The following BCR variants were observed in gnomAD, a reference collection of about 807,000 sequenced individuals.
The protein encoded by BCR is BCR activator of RhoGEF and GTPase, also known as breakpoint cluster region protein.
BCR carries 58 observed loss-of-function variants against 138.6 expected under a neutral mutation model. That is an observed-to-expected ratio of 0.42 (90% CI 0.34 to 0.52). The LOEUF (loss-of-function observed/expected upper bound fraction) is 0.52. Among genes scored for constraint, BCR ranks in the 20% least tolerant of loss-of-function variants. BCR has a pLI of 0.06. For missense variants in BCR, 1,599 were observed against 1,727.2 expected (o/e 0.93, Z 1.32); for synonymous variants, 786 against 730.1 (o/e 1.08, Z -1.23).
chr22:23,265,010 G>A (rs147332844), intron 4 of BCR: 119 of 152,272 alleles, frequency 7.8e-4, no homozygotes, highest in African/African-American at 2.7e-3. Flanking sequence ...AAAAAACCTA[G>A]TGGACGTGAC....
chr22:23,278,002 A>G (rs1006460688), intron 8 of BCR, among the ~76,000 whole-genome samples: 1 of 152,206 alleles, frequency 6.6e-6, no homozygotes, highest in Non-Finnish European at 1.5e-5. Flanking sequence ...AGGATCCCGC[A>G]GGCACAGTTT....
At position 23,280,924 on chromosome 22, in the gene BCR, C is replaced by CA. The variant is rs2146296516; in HGVS notation, c.2116-3052dup. On this transcript the variant is annotated intron_variant, in intron 8 of 22. Transcript: ENST00000305877. ...ACGGGGTTACTTGCACCAGGACACA[C>CA]ACAGGCCTGACACGCACAGGACATG... 2.0e-5 allele frequency among the ~76,000 whole-genome samples: 3 copies of CA among 152,348 alleles called. 1 individual carries two copies. In the South Asian group the frequency reaches 6.2e-4, roughly 32 times the overall value.
At position 23,312,965 on chromosome 22, in the gene BCR, A is replaced by C. The variant is rs765918824; in HGVS notation, c.3401A>C (p.Glu1134Ala). 1.5e-5 allele frequency: 24 copies of C among 1,592,082 alleles called. No individual in the cohort carries two copies. The highest frequency in any genetic ancestry group is 2.0e-5 in the Non-Finnish European group (24 of 1,175,460). Residue 1134 changes from glutamate to alanine, a missense_variant, in exon 20 of 23, where the codon GAG becomes GCG. By Grantham distance (107) the Glu-to-Ala change is moderately radical (BLOSUM62 -1). Around this residue, in one of 4 missense-constraint regions of BCR, gnomAD observed 177 missense variants for 226.4 expected, o/e 0.78. Transcript: ENST00000305877. Reference sequence around the variant, plus strand: ...GGCACGCTGAAGCTGTACTTCCGTGAGCTGCCCGAGCCCCTCTTCACTGAC... The same window carrying C: ...GGCACGCTGAAGCTGTACTTCCGTGCGCTGCCCGAGCCCCTCTTCACTGAC... ...IAGTLKLYFR[E>A]LPEPLFTDEF...
At chr22:23,263,538 G>GC in intron 4 of BCR, 1 of 1,576,094 alleles carries the variant, frequency 6.3e-7, no homozygotes, top group Admixed American at 1.7e-5. Flanking sequence ...TTTCATCCTG[G>GC]CCTACCAGTT....
rs770716239 is a variant in BCR, at chr22:23,181,169, A to C, written c.209A>C (p.Tyr70Ser). The C allele has an allele frequency of 2.1e-6, 3 of 1,409,820 alleles. No homozygotes were observed. The highest frequency in any genetic ancestry group is 3.0e-5 in the East Asian group (1 of 33,540). 87.3% of individuals were successfully genotyped at this position (1,409,820 alleles called of 1,614,324 possible). Residue 70 changes from tyrosine to serine, a missense_variant, in exon 1 of 23, where the codon TAT becomes TCT. This residue lies in a region of BCR where 806 missense variants were observed against 635.0 expected (regional missense o/e 1.27). Coordinates refer to ENST00000305877, the MANE Select transcript of BCR (RefSeq NM_004327.4). Reference protein sequence around the residue: ...QTLLAKEKKSYDRQRWGFRRA... With the variant: ...QTLLAKEKKSSDRQRWGFRRA... ...TTGCTGGCCAAGGAAAAGAAGAGCT[A>C]TGACCGGCAGCGATGGGGCTTCCGG... is the stretch of plus-strand genomic sequence containing the variant.
chr22:23,189,629 T>C (rs577210101), intron 1 of BCR, among the ~76,000 whole-genome samples: 1 of 152,292 alleles, frequency 6.6e-6, no homozygotes, highest in South Asian at 2.1e-4. Flanking sequence ...GCCACCCAAG[T>C]AGCTGGGATT....
At chr22:23,233,324 G>A (rs947275143) in intron 1 of BCR, among the ~76,000 whole-genome samples, 8 of 152,206 alleles carry the variant, frequency 5.3e-5, no homozygotes, top group Admixed American at 2.6e-4. Flanking sequence ...AGCAGCCTGC[G>A]TTGCTTCTCT....
At position 23,314,579 on chromosome 22, in the gene BCR, G is replaced by A. The variant is rs1446866772; in HGVS notation, c.3591G>A (p.Lys1197=). Residue 1197 remains lysine (K), a synonymous_variant, in exon 22 of 23, where the codon AAG becomes AAA. Transcript: ENST00000305877. ...KRVAEKEAVN[K]MSLHNLATVF... The stretch of plus-strand genomic sequence containing the variant: ...TGGCAGAGAAGGAGGCAGTCAATAA[G>A]ATGTCCCTGCACAACCTCGCCACGG... 2.5e-6 allele frequency: 4 copies of A among 1,611,886 alleles called. No individual in the cohort carries two copies. Among genetic ancestry groups the A allele is most frequent in the Non-Finnish European group, 3.4e-6 (4 of 1,179,854 alleles).
chr22:23,218,093 TC>T (rs1330259801), intron 1 of BCR, among the ~76,000 whole-genome samples: 2 of 152,206 alleles, frequency 1.3e-5, no homozygotes, highest in East Asian at 3.9e-4. Context: ...TTGGCATCCC[TC>T]CCCTCACTGT....
intron 16 of BCR, among the ~76,000 whole-genome samples, chr22:23,304,723 C>T (rs1222560961): frequency 6.6e-6 from 1 of 152,140 alleles, no homozygotes; most frequent in Non-Finnish European, 1.5e-5. Flanking sequence ...ACATCCTCAC[C>T]GATGCTGGTT....
chr22:23,211,445 G>A (rs2072680860), intron 1 of BCR, among the ~76,000 whole-genome samples: 1 of 151,844 alleles, frequency 6.6e-6, no homozygotes, highest in East Asian at 1.9e-4. Flanking sequence ...TGATCCGCCT[G>A]CCTTGGCCTC....
chr22:23,271,736 A>G, intron 6 of BCR, 144 bp downstream of exon 6: 1 of 775,868 alleles, frequency 1.3e-6, no homozygotes, highest in Admixed American at 2.2e-5. Flanking sequence ...TAGAGTGGGC[A>G]CGAGGAAAGA....
chr22:23,236,269 A>G (rs1437833570), intron 1 of BCR, among the ~76,000 whole-genome samples: 2 of 152,068 alleles, frequency 1.3e-5, no homozygotes, highest in Non-Finnish European at 2.9e-5. Flanking sequence ...TGAGCATCTC[A>G]TGGCTACCTC....
chr22:23,296,128 A>G (rs1412360379), intron 16 of BCR, among the ~76,000 whole-genome samples: 3 of 151,884 alleles, frequency 2.0e-5, no homozygotes, highest in Admixed American at 6.6e-5. Context: ...TAATCCCAGC[A>G]CTTTGGGAGG....
intron 1 of BCR, among the ~76,000 whole-genome samples, chr22:23,182,825 A>C (rs763720484): frequency 6.6e-6 from 1 of 152,222 alleles, no homozygotes; most frequent in Non-Finnish European, 1.5e-5. Flanking sequence ...GAGAATAGGA[A>C]TTAGAAGGAA....
At chr22:23,199,261 G>C (rs763156089) in intron 1 of BCR, 1 of 518,700 alleles carries the variant, frequency 1.9e-6, no homozygotes, top group African/African-American at 1.9e-5. Context: ...CTCTGTGCAA[G>C]AGCCAGGAAG....
In BCR at chr22:23,288,158, A is replaced by C; in HGVS notation, c.2588A>C (p.Glu863Ala). The C allele has an allele frequency of 1.2e-6, 2 of 1,614,022 alleles. No individual in the cohort carries two copies. Among genetic ancestry groups the C allele is most frequent in the Non-Finnish European group, 1.7e-6 (2 of 1,179,938 alleles). Residue 863 changes from glutamate to alanine, a missense_variant, in exon 12 of 23, where the codon GAG (glutamate) becomes GCG (alanine). Coordinates refer to ENST00000305877, the MANE Select transcript of BCR (RefSeq NM_004327.4). ...ERAEWRENIR[E>A]QQKKCFRSFS... ...GCAGAGTGGAGGGAGAACATCCGGGAGCAGCAGAAGAAGTGTGAGTATCCT... is the reference window on the plus strand; with the variant it reads ...GCAGAGTGGAGGGAGAACATCCGGGCGCAGCAGAAGAAGTGTGAGTATCCT...
chr22:23,221,462 C>G (rs945514016), intron 1 of BCR, among the ~76,000 whole-genome samples: 1 of 152,176 alleles, frequency 6.6e-6, no homozygotes, highest in African/African-American at 2.4e-5. Context: ...CCCTTAGGAC[C>G]AGAGCAGGTG....
Position 23,287,371 on chromosome 22 carries a change from C to T in BCR, c.2526+93C>T, listed in dbSNP as rs2073727725. ...CAGTGCGTTTTCACTTGGATGCGCCCCACTCTGAGAGAGGCATGTCCGGCA... is the reference window on the plus strand; with the variant it reads ...CAGTGCGTTTTCACTTGGATGCGCCTCACTCTGAGAGAGGCATGTCCGGCA... On this transcript the variant is annotated intron_variant, in intron 11 of 22. Coordinates refer to ENST00000305877, the MANE Select transcript of BCR (RefSeq NM_004327.4). 2.8e-6 allele frequency: 4 copies of T among 1,435,966 alleles called. No homozygotes were observed. The African/African-American group carries it at 4.3e-5, about 15-fold the overall frequency. 89.0% of individuals were successfully genotyped at this position (1,435,966 alleles called of 1,614,324 possible). A position where few individuals can be genotyped will look rare whatever the true frequency, so the allele number is the denominator to read the frequency against.
Sources: gnomAD v4.1 joint callset for allele counts (sites outside exome capture counted in the v4.1 genomes callset) on GRCh38, gnomAD v4.1.1 for gene constraint, gnomAD v4.1.1 regional missense constraint, MANE v1.5 for transcripts, NCBI Gene and HGNC (gene_info 2026-07-23, HGNC 2026-07-21) for gene names.